LAMA3: variants seen among roughly 807,000 people sequenced by gnomAD.
LAMA3 encodes laminin subunit alpha 3, also known as laminin subunit alpha-3.
Under a neutral mutation model 402.0 loss-of-function variants are expected in LAMA3, and 281 were observed. That is an observed-to-expected ratio of 0.70 (90% CI 0.63 to 0.77). LAMA3 has a LOEUF of 0.77. Ranked by LOEUF, LAMA3 falls within the 30% of genes least tolerant of loss-of-function variation. The pLI, the probability that LAMA3 is intolerant of heterozygous loss-of-function variation, is 0.00. For synonymous variants in LAMA3, 1,431 were observed against 1,558.4 expected (o/e 0.92, Z 1.93); for missense variants, 3,840 against 4,215.5 (o/e 0.91, Z 2.47).
chr18:23,874,758 A>G (rs2144847158), intron 38 of LAMA3, among the ~76,000 whole-genome samples: 1 of 152,380 alleles, frequency 6.6e-6, no homozygotes. Context: ...GTGCTATTTA[A>G]AGAAGATTTG....
intron 25 of LAMA3, chr18:23,837,454 AT>A (rs2063605852): frequency 4.6e-6 from 1 of 218,378 alleles, no homozygotes; most frequent in African/African-American, 2.4e-5. Flanking sequence ...CCATCTTACT[AT>A]TTTATTATCT....
chr18:23,795,566 G>A (rs911053783), intron 12 of LAMA3, among the ~76,000 whole-genome samples: 1 of 152,198 alleles, frequency 6.6e-6, no homozygotes, highest in Non-Finnish European at 1.5e-5. Context: ...ATAGTTAATA[G>A]TTTGGTGGTT....
At chr18:23,818,439 A>G (rs932563682) in intron 18 of LAMA3, among the ~76,000 whole-genome samples, 2 of 152,248 alleles carry the variant, frequency 1.3e-5, no homozygotes, top group East Asian at 3.8e-4. Context: ...AATAAAGGCT[A>G]GCAAACCAAC....
At chr18:23,933,999 G>C (rs1365200931) in intron 67 of LAMA3, 64 bp downstream of exon 67, 4 of 1,531,166 alleles carry the variant, frequency 2.6e-6, no homozygotes, top group Non-Finnish European at 3.6e-6. Flanking sequence ...AGCCTGCCTT[G>C]TGGGAGATAT....
At chr18:23,719,795 G>A (rs1162352002) in intron 2 of LAMA3, among the ~76,000 whole-genome samples, 1 of 152,026 alleles carries the variant, frequency 6.6e-6, no homozygotes, top group African/African-American at 2.4e-5. Flanking sequence ...TACTTTTGGG[G>A]CTTGAGGACT....
chr18:23,726,622 A>T (rs931688270), intron 2 of LAMA3, among the ~76,000 whole-genome samples: 5 of 151,774 alleles, frequency 3.3e-5, no homozygotes, highest in African/African-American at 1.2e-4. Context: ...ATTTTTATTT[A>T]TTTTTTATTT....
chr18:23,803,060 TCAGAAGCAATA>T (rs771159424), intron 12 of LAMA3, among the ~76,000 whole-genome samples: 2 of 152,180 alleles, frequency 1.3e-5, no homozygotes, highest in Non-Finnish European at 2.9e-5. Flanking sequence ...AGTTCTTTGA[TCAGAAGCAATA>T]CTATGTGGAT....
chr18:23,826,391 T>C (rs985433159), intron 21 of LAMA3, among the ~76,000 whole-genome samples: 2 of 152,254 alleles, frequency 1.3e-5, no homozygotes, highest in Non-Finnish European at 2.9e-5. Context: ...ATTTCATCAG[T>C]TGACAATTTA....
intron 60 of LAMA3, among the ~76,000 whole-genome samples, chr18:23,919,820 C>T (rs1275582221): frequency 6.6e-6 from 1 of 150,824 alleles, no homozygotes; most frequent in African/African-American, 2.4e-5. Context: ...AGGAGAGTCA[C>T]AGGCTCCCAC....
Position 23,909,189 on chromosome 18 carries a change from G to A in LAMA3, c.7052G>A (p.Arg2351His), listed in dbSNP as rs199546528. Residue 2351 changes from arginine to histidine, a missense_variant, in exon 55 of 75, where the codon CGC becomes CAC. Arg to His is a conservative substitution (Grantham distance 29). This residue lies in a region of LAMA3 where 891 missense variants were observed against 857.5 expected (regional missense o/e 1.04). Coordinates refer to ENST00000313654, the MANE Select transcript of LAMA3 (RefSeq NM_198129.4). ...ACCAACAAACTACCTGATCTTTGGC[G>A]CAAGATTGAAAGTATCAACCAACAG... ...KLTNKLPDLWRKIESINQQLL... is the reference protein window; with the variant it reads ...KLTNKLPDLWHKIESINQQLL... The A allele has an allele frequency of 5.9e-5, 95 of 1,613,736 alleles. No individual in the cohort carries two copies. Among genetic ancestry groups the A allele is most frequent in the East Asian group, 3.6e-4 (16 of 44,872 alleles).
chr18:23,892,498 A>G (rs1179321940), intron 42 of LAMA3, among the ~76,000 whole-genome samples: 2 of 152,152 alleles, frequency 1.3e-5, no homozygotes, highest in Non-Finnish European at 2.9e-5. Context: ...CTAGTCCCCC[A>G]TAAACTATTC....
At position 23,954,449 on chromosome 18, in the gene LAMA3, A is replaced by AGTCCC. The variant is rs1270613104; in HGVS notation, c.9857-53_9857-49dup. The AGTCCC allele has an allele frequency of 6.9e-6, 10 of 1,439,710 alleles. No individual in the cohort carries two copies. The East Asian group carries it at 2.3e-4, about 33-fold the overall frequency. The allele number at this position is 1,439,710 out of a possible 1,614,324, so 89.2% of individuals were successfully genotyped here. A position where few individuals can be genotyped will look rare whatever the true frequency, so the allele number is the denominator to read the frequency against. On this transcript the variant is annotated intron_variant, in intron 74 of 74. Coordinates refer to ENST00000313654, the MANE Select transcript of LAMA3 (RefSeq NM_198129.4). Reference sequence around the variant, plus strand: ...TACTATCTTTTAAAATCCAGGGAACAGTCCCTGGACAGTATGAATTATTTA... The same window carrying AGTCCC: ...TACTATCTTTTAAAATCCAGGGAACAGTCCCGTCCCTGGACAGTATGAATTATTTA...
intron 12 of LAMA3, among the ~76,000 whole-genome samples, chr18:23,791,434 A>C (rs2062651943): frequency 6.6e-6 from 1 of 152,128 alleles, no homozygotes; most frequent in East Asian, 1.9e-4. Context: ...TTGGGATTTC[A>C]CAAATGTGTA....
At chr18:23,809,975 C>T (rs955926368) in intron 12 of LAMA3, among the ~76,000 whole-genome samples, 2 of 152,160 alleles carry the variant, frequency 1.3e-5, no homozygotes, top group African/African-American at 4.8e-5. Context: ...CCTACAAATA[C>T]TGGTTTCTGT....
chr18:23,772,283 AC>A (rs1223333733), intron 8 of LAMA3, among the ~76,000 whole-genome samples: 1 of 152,126 alleles, frequency 6.6e-6, no homozygotes, highest in Admixed American at 6.5e-5. Flanking sequence ...CTTGTGACCC[AC>A]CCACTTTGGC....
At chr18:23,891,110 A>G (rs1342933693) in intron 42 of LAMA3, among the ~76,000 whole-genome samples, 1 of 152,260 alleles carries the variant, frequency 6.6e-6, no homozygotes, top group Non-Finnish European at 1.5e-5. Flanking sequence ...TGATTACCCA[A>G]TAACCCAGTG....
chr18:23,819,638 C>T (rs981869063), intron 18 of LAMA3, among the ~76,000 whole-genome samples: 2 of 152,100 alleles, frequency 1.3e-5, no homozygotes, highest in African/African-American at 4.8e-5. Context: ...AATTAGTAGG[C>T]GTTGAGTGTG....
chr18:23,876,295 G>A lies in LAMA3; in HGVS notation c.5000G>A (p.Gly1667Asp). The part of the protein sequence containing the change: ...PPAYAGDSCQ[G>D]CSPGYYRDHK... ...TTAAACACTTTGTTTGAAAAATAGG[G>A]TTGTAGCCCTGGATACTATCGGGAT... The change falls in exon 39 of 75, where the codon GGT becomes GAT. Residue 1667 changes from glycine to aspartate, a missense_variant and splice_region_variant. Around this residue, in one of 3 missense-constraint regions of LAMA3, gnomAD observed 2,109 missense variants for 2,376.0 expected, o/e 0.89. Coordinates refer to ENST00000313654, the MANE Select transcript of LAMA3 (RefSeq NM_198129.4). The A allele has an allele frequency of 1.2e-6, 2 of 1,607,182 alleles. 1 individual carries two copies. The highest frequency in any genetic ancestry group is 2.2e-5 in the South Asian group (2 of 90,960).
chr18:23,785,137 C>G (rs1459922714), intron 12 of LAMA3, among the ~76,000 whole-genome samples: 2 of 152,162 alleles, frequency 1.3e-5, no homozygotes, highest in East Asian at 3.9e-4. Flanking sequence ...AGTCAGAGCA[C>G]AGCTGCATAA....
Sources: allele counts gnomAD v4.1 joint callset (sites outside exome capture counted in the v4.1 genomes callset), GRCh38; gene constraint gnomAD v4.1.1; regional missense constraint gnomAD v4.1.1; transcripts MANE v1.5; gene names NCBI Gene and HGNC (gene_info 2026-07-23, HGNC 2026-07-21).